Variants in PEA15 observed in about 807,000 individuals in gnomAD.
The protein encoded by PEA15 is astrocytic phosphoprotein PEA-15.
For synonymous variants in PEA15, 60 were observed against 61.8 expected (o/e 0.97, Z 0.13); for missense variants, 77 against 161.3 (o/e 0.48, Z 2.83).
chr1:160,208,862 C>A lies in PEA15; in HGVS notation c.-2-2681C>A. On this transcript the variant is annotated intron_variant, in intron 1 of 3. Transcript: ENST00000360472. The surrounding 1 kb of genome is among the most constrained non-coding windows in gnomAD (Gnocchi z 4.1). ...TACTCACCATTCCCTACACTCCTCCCATCTAGTGGTGTCATCCTAACGACT... is the reference window on the plus strand; with the variant it reads ...TACTCACCATTCCCTACACTCCTCCAATCTAGTGGTGTCATCCTAACGACT... 4 of 564,600 alleles carry A rather than the reference C, an allele frequency of 7.1e-6. No individual in the cohort carries two copies. The highest frequency in any genetic ancestry group is 3.0e-5 in the Admixed American group (1 of 33,402). 35.0% of individuals were successfully genotyped at this position (564,600 alleles called of 1,614,324 possible). A position where few individuals can be genotyped will look rare whatever the true frequency, so the allele number is the denominator to read the frequency against.
chr1:160,210,193 G>C (rs1654812119), intron 1 of PEA15, among the ~76,000 whole-genome samples: 1 of 152,228 alleles, frequency 6.6e-6, no homozygotes, highest in Non-Finnish European at 1.5e-5. Flanking sequence ...AGGAAAATGT[G>C]AATGTGTCAA....
chr1:160,211,286 C>A, intron 1 of PEA15: 1 of 1,162,030 alleles, frequency 8.6e-7, no homozygotes, highest in Non-Finnish European at 1.1e-6. Context: ...AGGGGGAAAA[C>A]AGAAGAAAAA....
At chr1:160,211,305 G>A in intron 1 of PEA15, 1 of 1,203,394 alleles carries the variant, frequency 8.3e-7, no homozygotes, top group Non-Finnish European at 1.0e-6. Flanking sequence ...AAGATGGTGG[G>A]GGGAAGGAGG....
Position 160,213,329 on chromosome 1 carries a change from C to T in PEA15, c.328+64C>T. ...CGTCCCGTTGACTATCCTTGGAGTA[C>T]TTGAGTTTTGGGAGAGTGGAGGCAG... On this transcript the variant is annotated intron_variant, in intron 3 of 3. Coordinates refer to ENST00000360472, the MANE Select transcript of PEA15 (RefSeq NM_003768.5). This position sits in a 1 kb window ranked among gnomAD's most constrained non-coding sequence, Gnocchi z 5.3. 3 of 1,612,662 alleles carry T rather than the reference C, an allele frequency of 1.9e-6. No homozygotes were observed. Among genetic ancestry groups the T allele is most frequent in the Non-Finnish European group, 2.5e-6 (3 of 1,178,692 alleles).
chr1:160,210,005 C>T (rs57424552), intron 1 of PEA15, among the ~76,000 whole-genome samples: 6 of 152,324 alleles, frequency 3.9e-5, no homozygotes, highest in East Asian at 1.9e-4. Context: ...CTGTTTCTTG[C>T]GGGGGTCATG....
Position 160,208,789 on chromosome 1 carries a change from TTC to T in PEA15, c.-2-2753_-2-2752del. 2 of 790,358 alleles carry T rather than the reference TTC, an allele frequency of 2.5e-6. No individual in the cohort carries two copies. Among genetic ancestry groups the T allele is most frequent in the Non-Finnish European group, 4.2e-6 (2 of 474,514 alleles). The allele number at this position is 790,358 out of a possible 1,614,324, so 49.0% of individuals were successfully genotyped here. A position where few individuals can be genotyped will look rare whatever the true frequency, so the allele number is the denominator to read the frequency against. On this transcript the variant is annotated intron_variant, in intron 1 of 3. Coordinates refer to ENST00000360472, the MANE Select transcript of PEA15 (RefSeq NM_003768.5). This position sits in a 1 kb window ranked among gnomAD's most constrained non-coding sequence, Gnocchi z 4.1. ...AAGAAGGGAGGCAACTGGGCTGCCTTTCCTTGTACCGTCAGGGGGCCTTATTC... is the reference window on the plus strand; with the variant it reads ...AAGAAGGGAGGCAACTGGGCTGCCTTCTTGTACCGTCAGGGGGCCTTATTC...
At chr1:160,206,064 G>C (rs2101686202) in intron 1 of PEA15, 1 of 152,526 alleles carries the variant, frequency 6.6e-6, no homozygotes, top group South Asian at 2.1e-4. Context: ...TATAATCCGT[G>C]TCAAAACTGA....
rs953112653 is a variant in PEA15 at position 160,214,336 on chromosome 1, T to C, written c.*850T>C. On this transcript the variant is annotated 3_prime_UTR_variant, in exon 4 of 4. Coordinates refer to ENST00000360472, the MANE Select transcript of PEA15 (RefSeq NM_003768.5). The stretch of plus-strand genomic sequence containing the variant: ...CATCTATAGGGTCCCAACTTGGTTA[T>C]TGTAGGCAACCTTCCCTCTCTCCTT... 1 of 152,680 alleles carries C rather than the reference T, an allele frequency of 6.5e-6. No homozygotes were observed. Among genetic ancestry groups the C allele is most frequent in the Admixed American group, 6.5e-5 (1 of 15,286 alleles). The allele number at this position is 152,680 out of a possible 1,614,324, so 9.5% of individuals were successfully genotyped here.
At chr1:160,211,435 C>A in intron 1 of PEA15, 108 bp from the exon 2 acceptor site, 1 of 1,391,582 alleles carries the variant, frequency 7.2e-7, no homozygotes, top group Non-Finnish European at 9.6e-7. Context: ...ATGTTCCAGG[C>A]ACATGCCTGG....
intron 2 of PEA15, 146 bp from the exon 3 acceptor site, chr1:160,212,964 G>A: frequency 1.4e-6 from 1 of 739,748 alleles, no homozygotes; most frequent in Non-Finnish European, 2.3e-6. Context: ...TCTTCTCCTG[G>A]ATTAGTAGCC....
intron 2 of PEA15, among the ~76,000 whole-genome samples, chr1:160,212,894 A>G (rs16831591): frequency 0.026 from 4,014 of 152,244 alleles, 71 homozygotes; most frequent in Middle Eastern, 0.037. Flanking sequence ...AACTTCACTG[A>G]CCAACTATCT....
chr1:160,211,011 G>C (rs953790139), intron 1 of PEA15, among the ~76,000 whole-genome samples: 2 of 152,116 alleles, frequency 1.3e-5, no homozygotes, highest in Non-Finnish European at 2.9e-5. Flanking sequence ...TGAAGTGAGG[G>C]ACCCCTTTGC....
rs1275742992 is a variant in PEA15, at chr1:160,215,197, AG to A, written c.*1714del. 1 of 152,398 alleles carries A rather than the reference AG, an allele frequency of 6.6e-6. No individual in the cohort carries two copies. Among genetic ancestry groups the A allele is most frequent in the African/African-American group, 2.4e-5 (1 of 41,464 alleles). 9.4% of individuals were successfully genotyped at this position (152,398 alleles called of 1,614,324 possible). ...ATGGAAGAAATGGGAGAAGAGAGACAGGGTTCTTTTCAGCAGAGTCTAGTAG... is the reference window on the plus strand; with the variant it reads ...ATGGAAGAAATGGGAGAAGAGAGACAGGTTCTTTTCAGCAGAGTCTAGTAG... On this transcript the variant is annotated 3_prime_UTR_variant, in exon 4 of 4. Coordinates refer to ENST00000360472, the MANE Select transcript of PEA15 (RefSeq NM_003768.5).
Position 160,208,531 on chromosome 1 carries a change from G to A in PEA15, c.-3+3009G>A. On this transcript the variant is annotated intron_variant, in intron 1 of 3. Coordinates refer to ENST00000360472, the MANE Select transcript of PEA15 (RefSeq NM_003768.5). This position sits in a 1 kb window ranked among gnomAD's most constrained non-coding sequence, Gnocchi z 4.1. ...TCTGCACTGCTCCAGAAATCAGGAGGATTTTTCAGAGCCCAGAGAGCAGAT... is the reference window on the plus strand; with the variant it reads ...TCTGCACTGCTCCAGAAATCAGGAGAATTTTTCAGAGCCCAGAGAGCAGAT... 1 of 1,364,842 alleles carries A rather than the reference G, an allele frequency of 7.3e-7. No homozygotes were observed. 84.5% of individuals were successfully genotyped at this position (1,364,842 alleles called of 1,614,324 possible). A position where few individuals can be genotyped will look rare whatever the true frequency, so the allele number is the denominator to read the frequency against.
At chr1:160,212,385 G>A (rs961205594) in intron 2 of PEA15, among the ~76,000 whole-genome samples, 4 of 152,094 alleles carry the variant, frequency 2.6e-5, no homozygotes, top group African/African-American at 7.2e-5. Context: ...GAAATGGCTG[G>A]GAAGGTAAGG....
At chr1:160,206,378 T>C (rs1484214331) in intron 1 of PEA15, 1 of 152,226 alleles carries the variant, frequency 6.6e-6, no homozygotes, top group African/African-American at 2.4e-5. Flanking sequence ...TCTTTAAAAC[T>C]GTGGGGAAAG....
intron 2 of PEA15, among the ~76,000 whole-genome samples, 195 bp downstream of exon 2, chr1:160,211,911 A>T (rs1488379521): frequency 6.6e-6 from 1 of 152,192 alleles, no homozygotes; most frequent in East Asian, 1.9e-4. Flanking sequence ...TGTTATTCAG[A>T]TACTCCTGTG....
At chr1:160,212,860 C>T (rs1434785577) in intron 2 of PEA15, among the ~76,000 whole-genome samples, 1 of 152,054 alleles carries the variant, frequency 6.6e-6, no homozygotes, top group Non-Finnish European at 1.5e-5. Flanking sequence ...TAAGCTAAAC[C>T]CCTCATTCTA....
Position 160,205,760 on chromosome 1 carries a change from G to C in PEA15, c.-3+238G>C, listed in dbSNP as rs1372564889. 6.6e-6 allele frequency: 1 copy of C among 152,258 alleles called. No homozygotes were observed. The highest frequency in any genetic ancestry group is 1.5e-5 in the Non-Finnish European group (1 of 68,092). The allele number at this position is 152,258 out of a possible 1,614,324, so 9.4% of individuals were successfully genotyped here. Reference sequence around the variant, plus strand: ...CCGTTCCACGCTGAACGGCAGTTTGGGAGTCGGACCGGGGCCTGTGGATTA... The same window carrying C: ...CCGTTCCACGCTGAACGGCAGTTTGCGAGTCGGACCGGGGCCTGTGGATTA... On this transcript the variant is annotated intron_variant, in intron 1 of 3. Coordinates refer to ENST00000360472, the MANE Select transcript of PEA15 (RefSeq NM_003768.5). This position sits in a 1 kb window ranked among gnomAD's most constrained non-coding sequence, Gnocchi z 5.9.
Sources: gnomAD v4.1 joint callset for allele counts (sites outside exome capture counted in the v4.1 genomes callset) on GRCh38, gnomAD v4.1.1 for gene constraint, Gnocchi (gnomAD v3.1) non-coding constraint, MANE v1.5 for transcripts, NCBI Gene and HGNC (gene_info 2026-07-23, HGNC 2026-07-21) for gene names.